The following CD3G variants were observed in gnomAD, a reference collection of about 807,000 sequenced individuals.
CD3G encodes the protein T-cell surface glycoprotein CD3 gamma chain.
Under a neutral mutation model 28.3 loss-of-function variants are expected in CD3G, and 24 were observed. That is an observed-to-expected ratio of 0.85 (90% CI 0.61 to 1.19). The LOEUF (loss-of-function observed/expected upper bound fraction) is 1.19, where lower values mean the gene tolerates loss of function less well. CD3G is among the 50% of genes most tolerant of loss of function. The pLI is 0.00. For missense variants in CD3G, 211 were observed against 210.0 expected (o/e 1.00, Z -0.03); for synonymous variants, 71 against 75.9 (o/e 0.93, Z 0.34).
In CD3G at chr11:118,349,723, C is replaced by A; in HGVS notation, c.80-20C>A. 6.3e-7 allele frequency: 1 copy of A among 1,575,788 alleles called. No homozygotes were observed. Among genetic ancestry groups the A allele is most frequent in the Non-Finnish European group, 8.7e-7 (1 of 1,145,236 alleles). On this transcript the variant is annotated intron_variant, in intron 2 of 6. Coordinates refer to ENST00000532917, the MANE Select transcript of CD3G (RefSeq NM_000073.3). The stretch of plus-strand genomic sequence containing the variant: ...TCAGAGGCAAGATCCTTAATAGAAC[C>A]ACGGCTTTTCTCATTTCAGGAAACC...
chr11:118,352,947 A>T (rs1364568080), intron 6 of CD3G, among the ~76,000 whole-genome samples, 172 bp from the exon 7 acceptor site: 1 of 152,228 alleles, frequency 6.6e-6, no homozygotes, highest in Non-Finnish European at 1.5e-5. Flanking sequence ...CATCACCTCC[A>T]GGGCAAAATC....
At position 118,353,407 on chromosome 11, in the gene CD3G, C is replaced by T. The variant is rs200103637; in HGVS notation, c.*307C>T. 7.9e-5 allele frequency: 12 copies of T among 151,560 alleles called. No homozygotes were observed. The highest frequency in any genetic ancestry group is 1.5e-4 in the Non-Finnish European group (10 of 67,926). 9.4% of individuals were successfully genotyped at this position (151,560 alleles called of 1,614,324 possible). The stretch of plus-strand genomic sequence containing the variant: ...ATTTTTTGTGTTGTAATTTTTATTT[C>T]GTTTTTGTATAGGTTATAATTCACA... On this transcript the variant is annotated 3_prime_UTR_variant, in exon 7 of 7. Transcript: ENST00000532917.
chr11:118,350,456 C>A, intron 3 of CD3G, 96 bp from the exon 4 acceptor site: 1 of 886,456 alleles, frequency 1.1e-6, no homozygotes, highest in Non-Finnish European at 1.9e-6. Flanking sequence ...AAGCCTGCTG[C>A]CCTCCACAGC....
chr11:118,351,536 A>G lies in CD3G; in HGVS notation c.440-92A>G, dbSNP rs1948409944. The G allele has an allele frequency of 6.8e-6, 8 of 1,173,950 alleles. No individual in the cohort carries two copies. In the East Asian group the frequency reaches 1.6e-4, roughly 24 times the overall value. 72.7% of individuals were successfully genotyped at this position (1,173,950 alleles called of 1,614,324 possible). On this transcript the variant is annotated intron_variant, in intron 4 of 6. Transcript: ENST00000532917. ...ATCCATACTCTTGTGTATATATAAAACTCTTATTGTTATTTAGTATTCCAT... is the reference window on the plus strand; with the variant it reads ...ATCCATACTCTTGTGTATATATAAAGCTCTTATTGTTATTTAGTATTCCAT...
intron 4 of CD3G, 87 bp downstream of exon 4, chr11:118,350,770 AG>A (rs1948400826): frequency 1.9e-6 from 3 of 1,592,866 alleles, no homozygotes; most frequent in Non-Finnish European, 2.6e-6. Flanking sequence ...GAAGAGACTG[AG>A]TTGGTGCTTC....
At chr11:118,349,674 T>C in intron 2 of CD3G, 69 bp from the exon 3 acceptor site, 1 of 1,132,738 alleles carries the variant, frequency 8.8e-7, no homozygotes, top group South Asian at 1.3e-5. Context: ...AATGATCTCC[T>C]GGTATGCAGA....
At chr11:118,346,340 G>A (rs1348772207) in intron 1 of CD3G, among the ~76,000 whole-genome samples, 1 of 152,156 alleles carries the variant, frequency 6.6e-6, no homozygotes, top group Non-Finnish European at 1.5e-5. Context: ...AGGAGGCTGA[G>A]GCAGGAGAAT....
At chr11:118,351,697 C>T (rs367820786) in intron 5 of CD3G, 26 bp downstream of exon 5, 1 of 1,609,600 alleles carries the variant, frequency 6.2e-7, no homozygotes, top group South Asian at 1.1e-5. Context: ...ATAAAAGAGA[C>T]ATTGCTGTAA....
At chr11:118,352,951 C>A (rs1181790055) in intron 6 of CD3G, among the ~76,000 whole-genome samples, 168 bp from the exon 7 acceptor site, 2 of 152,210 alleles carry the variant, frequency 1.3e-5, no homozygotes, top group Admixed American at 6.5e-5. Flanking sequence ...ACCTCCAGGG[C>A]AAAATCACCC....
Position 118,350,668 on chromosome 11 carries a change from G to T in CD3G, c.424G>T (p.Val142Phe). 1 of 1,613,880 alleles carries T rather than the reference G, an allele frequency of 6.2e-7. No homozygotes were observed. The highest frequency in any genetic ancestry group is 8.5e-7 in the Non-Finnish European group (1 of 1,179,954). The change falls in exon 4 of 7, where the codon GTT (valine) becomes TTT (phenylalanine). Residue 142 changes from valine to phenylalanine, a missense_variant. Val to Phe is a conservative substitution (Grantham distance 50, BLOSUM62 -1). Coordinates refer to ENST00000532917, the MANE Select transcript of CD3G (RefSeq NM_000073.3). ...CTACTTCATTGCTGGACAGGATGGA[G>T]TTCGCCAGTCGAGAGGTAAAAGAAT... ...GVYFIAGQDG[V>F]RQSRASDKQT...
intron 1 of CD3G, among the ~76,000 whole-genome samples, chr11:118,346,452 A>C (rs973250017): frequency 2.6e-5 from 4 of 151,898 alleles, no homozygotes; most frequent in Admixed American, 2.0e-4. Flanking sequence ...ACAAAACAAA[A>C]AAAAAAGAAA....
At chr11:118,348,768 A>T (rs1275397183) in intron 1 of CD3G, among the ~76,000 whole-genome samples, 3 of 151,988 alleles carry the variant, frequency 2.0e-5, no homozygotes, top group Non-Finnish European at 4.4e-5. Flanking sequence ...TAACAAAGCC[A>T]CTCCTGTCAC....
chr11:118,349,923 G>A lies in CD3G; in HGVS notation c.260G>A (p.Cys87Tyr), dbSNP rs200125722. 1.2e-6 allele frequency: 2 copies of A among 1,614,132 alleles called. No individual in the cohort carries two copies. Among genetic ancestry groups the A allele is most frequent in the Non-Finnish European group, 1.7e-6 (2 of 1,180,010 alleles). ...AAGGACCCTCGAGGGATGTATCAGTGTAAAGGATCACAGAACAAGTCAAAA... is the reference window on the plus strand; with the variant it reads ...AAGGACCCTCGAGGGATGTATCAGTATAAAGGATCACAGAACAAGTCAAAA... ...NAKDPRGMYQ[C>Y]KGSQNKSKPL... Residue 87 changes from cysteine (C) to tyrosine (Y), a missense_variant, in exon 3 of 7, where the codon TGT becomes TAT. By Grantham distance (194) the Cys-to-Tyr change is radical. Coordinates refer to ENST00000532917, the MANE Select transcript of CD3G (RefSeq NM_000073.3).
chr11:118,347,573 GATCTC>G (rs1192393618), intron 1 of CD3G, among the ~76,000 whole-genome samples: 2 of 152,146 alleles, frequency 1.3e-5, no homozygotes, highest in East Asian at 3.8e-4. Context: ...TCAAGTGCCA[GATCTC>G]TGTAATATGT....
Position 118,352,395 on chromosome 11 carries a change from C to G in CD3G, c.484-9C>G. The G allele has an allele frequency of 6.2e-7, 1 of 1,612,452 alleles. No individual in the cohort carries two copies. The highest frequency in any genetic ancestry group is 8.5e-7 in the Non-Finnish European group (1 of 1,178,474). On this transcript the variant is annotated splice_polypyrimidine_tract_variant and intron_variant, in intron 5 of 6. Transcript: ENST00000532917. ...AAAAAATGACTTATGACTGTGCTGTCCTTTCCAGCCCCTCAAGGATCGAGA... is the reference window on the plus strand; with the variant it reads ...AAAAAATGACTTATGACTGTGCTGTGCTTTCCAGCCCCTCAAGGATCGAGA...
intron 5 of CD3G, 115 bp downstream of exon 5, chr11:118,351,786 AC>A: frequency 1.1e-6 from 1 of 898,886 alleles, no homozygotes; most frequent in Non-Finnish European, 1.9e-6. Flanking sequence ...CTAACAGCAT[AC>A]CAGATGATGA....
intron 1 of CD3G, among the ~76,000 whole-genome samples, chr11:118,344,976 G>A (rs960719612): frequency 4.6e-5 from 7 of 152,216 alleles, no homozygotes; most frequent in African/African-American, 7.2e-5. Flanking sequence ...TCATTGGAGA[G>A]ATTAGTTTTC....
chr11:118,351,021 T>A, intron 4 of CD3G: 1 of 374,596 alleles, frequency 2.7e-6, no homozygotes, highest in South Asian at 3.9e-5. Context: ...ACCCCGTCTT[T>A]ACTAAAAATA....
chr11:118,348,699 C>G (rs557250480), intron 1 of CD3G, among the ~76,000 whole-genome samples: 1 of 152,220 alleles, frequency 6.6e-6, no homozygotes, highest in African/African-American at 2.4e-5. Context: ...TCTTGACCAG[C>G]ACCATCCTGA....
Sources: allele counts gnomAD v4.1 joint callset (sites outside exome capture counted in the v4.1 genomes callset), GRCh38; gene constraint gnomAD v4.1.1; transcripts MANE v1.5; gene names NCBI Gene and HGNC (gene_info 2026-07-23, HGNC 2026-07-21).